DDX19A: variants seen among roughly 807,000 people sequenced by gnomAD.
The protein encoded by DDX19A is DEAD-box helicase 19A.
Under a neutral mutation model 60.6 loss-of-function variants are expected in DDX19A, and 12 were observed. The ratio of observed to expected loss-of-function variants is 0.20; its 90% CI spans 0.13 to 0.32. DDX19A has a LOEUF of 0.32. DDX19A is among the 10% of genes least tolerant of loss of function. The pLI is 1.00. For missense variants in DDX19A, 337 were observed against 600.6 expected (o/e 0.56, Z 4.59); for synonymous variants, 206 against 218.2 (o/e 0.94, Z 0.49).
chr16:70,347,991 G>A (rs967039800), intron 1 of DDX19A: 1 of 450,730 alleles, frequency 2.2e-6, no homozygotes, highest in Admixed American at 2.4e-5. Context: ...CGCCCAGCCG[G>A]TATGGGGATT....
rs1402951514 is a variant in DDX19A, at chr16:70,371,443, A to C, written c.1255A>C (p.Asn419His). ...LPVDKDGNPD[N>H]ETYLHRIGRT... ...CGTGGACAAGGACGGGAATCCTGAC[A>C]ATGAGACCTACCTGCACCGGATCGG... The change falls in exon 11 of 12, where the codon AAT becomes CAT. Residue 419 changes from asparagine (N) to histidine (H), a missense_variant. This residue lies in a region of DDX19A where 117 missense variants were observed against 274.3 expected (regional missense o/e 0.43). Transcript: ENST00000302243. 2 of 1,612,998 alleles carry C rather than the reference A, an allele frequency of 1.2e-6. No homozygotes were observed. Among genetic ancestry groups the C allele is most frequent in the South Asian group, 1.1e-5 (1 of 90,974 alleles).
At chr16:70,371,821 C>T in intron 11 of DDX19A, 104 bp from the exon 12 acceptor site, 1 of 1,560,554 alleles carries the variant, frequency 6.4e-7, no homozygotes, top group Non-Finnish European at 8.8e-7. Flanking sequence ...CCTGCTGCCC[C>T]CTGCTTAGGC....
intron 2 of DDX19A, among the ~76,000 whole-genome samples, chr16:70,352,402 G>T (rs1248000454): frequency 6.9e-6 from 1 of 145,964 alleles, no homozygotes; most frequent in Non-Finnish European, 1.5e-5. Context: ...CTCCTGCCTC[G>T]GCTTCCTGAA....
intron 6 of DDX19A, 139 bp downstream of exon 6, chr16:70,364,784 C>A: frequency 2.8e-6 from 2 of 711,852 alleles, no homozygotes; most frequent in Non-Finnish European, 4.8e-6. Flanking sequence ...ACACCAGGCC[C>A]TGACCTGGGA....
intron 10 of DDX19A, chr16:70,370,622 G>GGA: frequency 1.9e-6 from 1 of 532,550 alleles, no homozygotes; most frequent in South Asian, 4.4e-5. Flanking sequence ...CTTGAACCCT[G>GGA]GAGACAGAGG....
chr16:70,353,649 C>T (rs532441493), intron 2 of DDX19A, among the ~76,000 whole-genome samples: 71 of 151,972 alleles, frequency 4.7e-4, no homozygotes, highest in African/African-American at 1.6e-3. Context: ...GCTTGTAATT[C>T]CAGCACTTTG....
intron 5 of DDX19A, among the ~76,000 whole-genome samples, chr16:70,362,353 A>C (rs562404654): frequency 9.9e-4 from 150 of 151,896 alleles, no homozygotes; most frequent in African/African-American, 3.4e-3. Context: ...AAAAAAAAAA[A>C]AAAAAAAAAC....
At position 70,346,917 on chromosome 16, in the gene DDX19A, G is replaced by A; in HGVS notation, c.-75G>A. The A allele has an allele frequency of 6.8e-7, 1 of 1,472,080 alleles. No individual in the cohort carries two copies. Among genetic ancestry groups the A allele is most frequent in the Non-Finnish European group, 9.3e-7 (1 of 1,075,550 alleles). The allele number at this position is 1,472,080 out of a possible 1,614,324, so 91.2% of individuals were successfully genotyped here. A position where few individuals can be genotyped will look rare whatever the true frequency, so the allele number is the denominator to read the frequency against. ...CCGCGTGAGGTGCATTCTCGCGCCGGTGGCGAGGTTAGGGCCCGCGTTGCG... is the reference window on the plus strand; with the variant it reads ...CCGCGTGAGGTGCATTCTCGCGCCGATGGCGAGGTTAGGGCCCGCGTTGCG... On this transcript the variant is annotated 5_prime_UTR_variant, in exon 1 of 12. The change creates a new upstream start codon in the 5' untranslated region. Coordinates refer to ENST00000302243, the MANE Select transcript of DDX19A (RefSeq NM_018332.5).
chr16:70,364,838 GCCTCTGCCAAGCCAGGGCTA>G (rs1271723176), intron 6 of DDX19A, 159 bp from the exon 7 acceptor site: 7 of 667,726 alleles, frequency 1.0e-5, no homozygotes, highest in African/African-American at 1.8e-5. Flanking sequence ...GCTTGCAAAG[GCCTCTGCCAAGCCAGGGCTA>G]CCTGCTGCAG....
intron 7 of DDX19A, chr16:70,365,780 A>AAAAT (rs956254546): frequency 2.6e-5 from 11 of 420,728 alleles, no homozygotes; most frequent in African/African-American, 8.1e-5. Flanking sequence ...ACCCTGTCTC[A>AAAAT]AAATAAATAA....
At chr16:70,354,339 T>G (rs145387077) in intron 2 of DDX19A, among the ~76,000 whole-genome samples, 14,175 of 151,798 alleles carry the variant, frequency 0.093, 2,166 homozygotes, top group African/African-American at 0.32. Context: ...TAGAGACAGG[T>G]TTTCTCCATG....
chr16:70,366,502 TCC>T (rs1217165581), intron 8 of DDX19A, 120 bp from the exon 9 acceptor site: 1 of 1,388,788 alleles, frequency 7.2e-7, no homozygotes, highest in Non-Finnish European at 9.9e-7. Context: ...CTGCTCCTCC[TCC>T]CCAAGATGCT....
intron 4 of DDX19A, among the ~76,000 whole-genome samples, chr16:70,356,459 C>G (rs540951555): frequency 4.0e-5 from 6 of 151,878 alleles, no homozygotes. Context: ...CGGGTTCAAG[C>G]GATTCTCCTG....
intron 2 of DDX19A, 67 bp from the exon 3 acceptor site, chr16:70,355,418 A>G: frequency 7.4e-6 from 8 of 1,078,078 alleles, no homozygotes; most frequent in Non-Finnish European, 1.1e-5. Flanking sequence ...ATTTATTTAT[A>G]TTGTCCCACA....
chr16:70,361,646 G>A lies in DDX19A; in HGVS notation c.386+136G>A, dbSNP rs544413998. 3 of 629,452 alleles carry A rather than the reference G, an allele frequency of 4.8e-6. No individual in the cohort carries two copies. In the Admixed American group the frequency reaches 9.0e-5, roughly 19 times the overall value. 39.0% of individuals were successfully genotyped at this position (629,452 alleles called of 1,614,324 possible). A position where few individuals can be genotyped will look rare whatever the true frequency, so the allele number is the denominator to read the frequency against. ...CAGGAATACAGCTTAGGCAAGTGCAGAGAGAATCGGATGGAGTTAGCTACA... is the reference window on the plus strand; with the variant it reads ...CAGGAATACAGCTTAGGCAAGTGCAAAGAGAATCGGATGGAGTTAGCTACA... On this transcript the variant is annotated intron_variant, in intron 5 of 11. Coordinates refer to ENST00000302243, the MANE Select transcript of DDX19A (RefSeq NM_018332.5).
intron 9 of DDX19A, among the ~76,000 whole-genome samples, chr16:70,368,858 A>G (rs1964595332): frequency 6.6e-6 from 1 of 152,058 alleles, no homozygotes; most frequent in African/African-American, 2.4e-5. Context: ...GACATCTTGA[A>G]GCATCCAGGG....
At chr16:70,349,362 G>C (rs1158429266) in intron 1 of DDX19A, among the ~76,000 whole-genome samples, 1 of 152,160 alleles carries the variant, frequency 6.6e-6, no homozygotes, top group Admixed American at 6.6e-5. Flanking sequence ...CAGAATTCCA[G>C]ACTTCCAGAA....
chr16:70,358,294 C>G (rs1964273122), intron 4 of DDX19A, among the ~76,000 whole-genome samples: 1 of 152,068 alleles, frequency 6.6e-6, no homozygotes, highest in South Asian at 2.1e-4. Context: ...ACCTCCCAGG[C>G]TGCTGGGATT....
chr16:70,356,380 G>C, intron 4 of DDX19A, 133 bp downstream of exon 4: 1 of 1,391,032 alleles, frequency 7.2e-7, no homozygotes, highest in Non-Finnish European at 9.7e-7. Context: ...TTTCGAGACA[G>C]AGTTTCGCTC....
Sources: gnomAD v4.1 joint callset for allele counts (sites outside exome capture counted in the v4.1 genomes callset) on GRCh38, gnomAD v4.1.1 for gene constraint, gnomAD v4.1.1 regional missense constraint, MANE v1.5 for transcripts, NCBI Gene and HGNC (gene_info 2026-07-23, HGNC 2026-07-21) for gene names.